SIPA1L3: variants seen among roughly 807,000 people sequenced by gnomAD.
SIPA1L3 encodes the protein signal induced proliferation associated 1 like 3.
A neutral mutation model predicts 150.1 loss-of-function variants in SIPA1L3; 59 were observed. The observed-to-expected ratio is 0.39, with a 90% confidence interval of 0.32 to 0.49. The LOEUF is 0.49. Among genes scored for constraint, SIPA1L3 ranks in the 20% least tolerant of loss-of-function variants. The pLI is 0.86. For synonymous variants in SIPA1L3, 1,070 were observed against 1,077.6 expected (o/e 0.99, Z 0.14); for missense variants, 2,211 against 2,489.5 (o/e 0.89, Z 2.38).
chr19:38,129,173 T>C (rs1971251841), intron 9 of SIPA1L3, among the ~76,000 whole-genome samples: 1 of 152,126 alleles, frequency 6.6e-6, no homozygotes, highest in Non-Finnish European at 1.5e-5. Flanking sequence ...CAGGGCTCTA[T>C]TCAGCAGGTC....
chr19:38,031,351 T>C (rs893762830), intron 2 of SIPA1L3, among the ~76,000 whole-genome samples: 2 of 152,046 alleles, frequency 1.3e-5, no homozygotes, highest in Non-Finnish European at 2.9e-5. Context: ...CTTCCAAGAG[T>C]CTATTCTTGA....
intron 13 of SIPA1L3, among the ~76,000 whole-genome samples, chr19:38,161,783 C>A (rs1448526828): frequency 6.6e-6 from 1 of 151,846 alleles, no homozygotes; most frequent in Non-Finnish European, 1.5e-5. Flanking sequence ...CATGGTGGCT[C>A]ACGCCTATCA....
At chr19:37,973,651 C>T (rs1027470050) in intron 1 of SIPA1L3, among the ~76,000 whole-genome samples, 1 of 149,152 alleles carries the variant, frequency 6.7e-6, no homozygotes. Flanking sequence ...GAGGGAGTAG[C>T]GTATGCCTGT....
At chr19:38,066,684 G>A (rs1054865104) in intron 2 of SIPA1L3, among the ~76,000 whole-genome samples, 29 of 151,838 alleles carry the variant, frequency 1.9e-4, no homozygotes, top group African/African-American at 6.0e-4. Context: ...ATAATTAGCT[G>A]GGCATGGTGA....
At chr19:38,150,579 C>G (rs2145956961) in intron 12 of SIPA1L3, among the ~76,000 whole-genome samples, 1 of 142,436 alleles carries the variant, frequency 7.0e-6, no homozygotes, top group South Asian at 2.2e-4. Flanking sequence ...GTTGTCCAGG[C>G]TGGAGCGCAG....
At chr19:37,925,636 C>T (rs1306814956) in intron 1 of SIPA1L3, among the ~76,000 whole-genome samples, 1 of 145,192 alleles carries the variant, frequency 6.9e-6, no homozygotes, top group Non-Finnish European at 1.5e-5. Context: ...ACTCTGTTGC[C>T]AGGCTGGAGT....
chr19:38,069,001 C>T (rs80203774), intron 2 of SIPA1L3, among the ~76,000 whole-genome samples: 2,149 of 152,234 alleles, frequency 0.014, 35 homozygotes, highest in Admixed American at 0.025. Flanking sequence ...TGTTTAATAC[C>T]GTCATCACCG....
At chr19:38,152,258 CG>C (rs1479886732) in intron 12 of SIPA1L3, among the ~76,000 whole-genome samples, 1 of 152,178 alleles carries the variant, frequency 6.6e-6, no homozygotes, top group African/African-American at 2.4e-5. Flanking sequence ...CTGGACATGA[CG>C]GGGCATCCTT....
At chr19:38,068,856 A>C (rs934361668) in intron 2 of SIPA1L3, among the ~76,000 whole-genome samples, 2 of 152,148 alleles carry the variant, frequency 1.3e-5, no homozygotes, top group African/African-American at 4.8e-5. Flanking sequence ...CCTGTCTCAA[A>C]AAAGAGAAGA....
chr19:37,911,121 A>T (rs1455595526), intron 1 of SIPA1L3, among the ~76,000 whole-genome samples: 1 of 152,232 alleles, frequency 6.6e-6, no homozygotes, highest in African/African-American at 2.4e-5. Context: ...AGTATCTATT[A>T]AGTATCTATT....
intron 10 of SIPA1L3, among the ~76,000 whole-genome samples, chr19:38,137,152 G>A (rs1353597495): frequency 1.3e-5 from 2 of 152,160 alleles, no homozygotes; most frequent in East Asian, 1.9e-4. Flanking sequence ...GCCCTGGTCT[G>A]TACCTCTCCA....
intron 8 of SIPA1L3, among the ~76,000 whole-genome samples, chr19:38,114,424 CA>C (rs5828003): frequency 0.47 from 46,815 of 100,414 alleles, 8,190 homozygotes; most frequent in East Asian, 0.63. Context: ...ACTCTTGTCT[CA>C]AAAAAAAAAA....
rs776049358 is a variant in SIPA1L3 at position 38,152,824 on chromosome 19, T to C, written c.3534-16T>C. The C allele has an allele frequency of 7.5e-6, 12 of 1,602,122 alleles. No homozygotes were observed. The Admixed American group carries it at 2.0e-4, about 27-fold the overall frequency. ...CTGATCTTTAACCCTGGGCACGTTC[T>C]TCTCATCCCCTGCAGGTACACGGCT... On this transcript the variant is annotated splice_polypyrimidine_tract_variant and intron_variant, in intron 12 of 21. Transcript: ENST00000222345.
intron 1 of SIPA1L3, among the ~76,000 whole-genome samples, chr19:37,998,992 CA>C (rs1479524931): frequency 2.6e-5 from 4 of 151,388 alleles, no homozygotes; most frequent in Admixed American, 6.6e-5. Flanking sequence ...CACACACACA[CA>C]CACACACACA....
intron 1 of SIPA1L3, among the ~76,000 whole-genome samples, chr19:37,961,193 T>A (rs1318966395): frequency 1.3e-5 from 2 of 151,396 alleles, no homozygotes; most frequent in African/African-American, 4.9e-5. Context: ...TAATTTAAAA[T>A]TTTTCTTTAG....
intron 16 of SIPA1L3, among the ~76,000 whole-genome samples, chr19:38,188,700 A>G (rs1600189900): frequency 2.0e-5 from 3 of 151,960 alleles, no homozygotes; most frequent in Admixed American, 2.0e-4. Flanking sequence ...AGGCGGGCGG[A>G]TCACGAGGTC....
intron 4 of SIPA1L3, among the ~76,000 whole-genome samples, chr19:38,093,993 C>G (rs562904760): frequency 4.2e-4 from 64 of 152,338 alleles, no homozygotes; most frequent in Admixed American, 2.4e-3. Flanking sequence ...GGCACCCCCC[C>G]ACAAGGCCCA....
chr19:37,980,935 G>C (rs1030097300), intron 1 of SIPA1L3, among the ~76,000 whole-genome samples: 4 of 152,198 alleles, frequency 2.6e-5, no homozygotes, highest in South Asian at 2.1e-4. Context: ...CTAGTCATGA[G>C]ACACGGGACA....
Position 38,119,563 on chromosome 19 carries a change from C to A in SIPA1L3, c.2549C>A (p.Thr850Asn). 6.2e-7 allele frequency: 1 copy of A among 1,614,228 alleles called. No homozygotes were observed. The change falls in exon 9 of 22, where the codon ACC (threonine) becomes AAC (asparagine). Residue 850 changes from threonine to asparagine, a missense_variant. Coordinates refer to ENST00000222345, the MANE Select transcript of SIPA1L3 (RefSeq NM_015073.3). ...STGKFNLISL[T>N]SKKKEKTKAR... Reference sequence around the variant, plus strand: ...GGCAAATTCAACCTCATCTCCCTGACCTCCAAGAAGAAGGAAAAGACAAAA... The same window carrying A: ...GGCAAATTCAACCTCATCTCCCTGAACTCCAAGAAGAAGGAAAAGACAAAA...
Sources: gnomAD v4.1 joint callset for allele counts (sites outside exome capture counted in the v4.1 genomes callset) on GRCh38, gnomAD v4.1.1 for gene constraint, MANE v1.5 for transcripts, NCBI Gene and HGNC (gene_info 2026-07-23, HGNC 2026-07-21) for gene names.